Variants in SATB2 observed in about 807,000 individuals in gnomAD.
SATB2 encodes the protein SATB homeobox 2.
SATB2 carries 1 observed loss-of-function variant against 73.4 expected under a neutral mutation model. That is an observed-to-expected ratio of 0.01 (90% CI 0.00 to 0.06). The LOEUF (loss-of-function observed/expected upper bound fraction) is 0.06, where lower values mean the gene tolerates loss of function less well. Ranked by LOEUF, SATB2 falls within the 10% of genes least tolerant of loss-of-function variation. SATB2 has a pLI of 1.00. For missense variants in SATB2, 459 were observed against 945.8 expected (o/e 0.49, Z 6.75); for synonymous variants, 397 against 367.0 (o/e 1.08, Z -0.93).
chr2:199,424,857 A>T (rs1691279315), intron 3 of SATB2, among the ~76,000 whole-genome samples: 1 of 152,216 alleles, frequency 6.6e-6, no homozygotes, highest in African/African-American at 2.4e-5. Context: ...CAAAACTAGG[A>T]GTTATATCAA....
chr2:199,379,322 G>A (rs1336235537), intron 5 of SATB2, among the ~76,000 whole-genome samples: 1 of 152,248 alleles, frequency 6.6e-6, no homozygotes, highest in Non-Finnish European at 1.5e-5. Flanking sequence ...TCCTCATGAT[G>A]CATTTTCTTC....
intron 2 of SATB2, among the ~76,000 whole-genome samples, chr2:199,454,342 A>G (rs1191639039): frequency 6.6e-6 from 1 of 152,142 alleles, no homozygotes; most frequent in Non-Finnish European, 1.5e-5. Flanking sequence ...ACTGTCTCCA[A>G]GGAGTTTCAG....
At chr2:199,359,335 T>C (rs1296497584) in intron 6 of SATB2, among the ~76,000 whole-genome samples, 1 of 152,296 alleles carries the variant, frequency 6.6e-6, no homozygotes, top group African/African-American at 2.4e-5. Flanking sequence ...TACACAAATG[T>C]TCTCTAATTC....
chr2:199,356,968 G>A (rs1439142519), intron 6 of SATB2, among the ~76,000 whole-genome samples: 11 of 152,152 alleles, frequency 7.2e-5, no homozygotes, highest in Admixed American at 7.2e-4. Flanking sequence ...TAAAGAAGCT[G>A]AAGCTCAGTT....
chr2:199,428,541 C>T lies in SATB2; in HGVS notation c.346+4797G>A, dbSNP rs185378956. 2.0e-4 allele frequency among the ~76,000 whole-genome samples: 30 copies of T among 152,252 alleles called. 1 individual carries two copies. The East Asian group carries it at 4.6e-3, about 24-fold the overall frequency. On this transcript the variant is annotated intron_variant, in intron 3 of 10. Transcript: ENST00000417098. ...CAATGGACTTCAGATTTCAGCTCTT[C>T]CACCCACTAGCCTGCGCCTCTGGGA...
rs1175819319 is a variant in SATB2, at chr2:199,457,292, C to T, written c.-60+47G>A. 6.6e-6 allele frequency: 1 copy of T among 151,896 alleles called. No homozygotes were observed. The highest frequency in any genetic ancestry group is 1.5e-5 in the Non-Finnish European group (1 of 67,998). The allele number at this position is 151,896 out of a possible 1,614,324, so 9.4% of individuals were successfully genotyped here. On this transcript the variant is annotated intron_variant, in intron 1 of 10. Coordinates refer to ENST00000417098, the MANE Select transcript of SATB2 (RefSeq NM_001172509.2). This position sits in a 1 kb window ranked among gnomAD's most constrained non-coding sequence, Gnocchi z 4.8. ...GGGGACTTCGTTGGCCCTGGGCTTCCCCGAACTCCCGAGCGCGGCGCGGGA... is the reference window on the plus strand; with the variant it reads ...GGGGACTTCGTTGGCCCTGGGCTTCTCCGAACTCCCGAGCGCGGCGCGGGA...
At chr2:199,274,238 C>A (rs561897490) in intron 10 of SATB2, among the ~76,000 whole-genome samples, 2 of 152,248 alleles carry the variant, frequency 1.3e-5, no homozygotes, top group South Asian at 4.1e-4. Flanking sequence ...GAAAACACGT[C>A]TAGTTACATT....
chr2:199,345,254 T>C (rs1688615607), intron 7 of SATB2, among the ~76,000 whole-genome samples: 1 of 152,120 alleles, frequency 6.6e-6, no homozygotes, highest in South Asian at 2.1e-4. Flanking sequence ...CTCTTCTTCC[T>C]AGCGCCAAAC....
At chr2:199,470,798 G>A (rs983705239) in intron 1 of SATB2, 2 of 152,316 alleles carry the variant, frequency 1.3e-5, no homozygotes, top group Non-Finnish European at 2.9e-5. Flanking sequence ...GCGCTAACAC[G>A]CGCACGGGAA....
At chr2:199,364,292 C>T (rs1689223829) in intron 6 of SATB2, among the ~76,000 whole-genome samples, 1 of 152,156 alleles carries the variant, frequency 6.6e-6, no homozygotes, top group African/African-American at 2.4e-5. Context: ...GTTTAATTTT[C>T]ATTCAACATC....
rs377124439 is a variant in SATB2, at chr2:199,280,012, G to A, written c.1741-7340C>T. On this transcript the variant is annotated intron_variant, in intron 10 of 10. Transcript: ENST00000417098. ...AAAAATTAGCCAGGCGTGGTGGCACGCGCCTGTAATCCCAGCTACTTGGGT... is the reference window on the plus strand; with the variant it reads ...AAAAATTAGCCAGGCGTGGTGGCACACGCCTGTAATCCCAGCTACTTGGGT... 3.0e-4 allele frequency among the ~76,000 whole-genome samples: 46 copies of A among 152,256 alleles called. 2 individuals are homozygous for A. The South Asian group carries it at 4.2e-3, about 14-fold the overall frequency.
intron 3 of SATB2, among the ~76,000 whole-genome samples, chr2:199,402,166 C>T (rs1235929196): frequency 6.6e-6 from 1 of 152,230 alleles, no homozygotes; most frequent in African/African-American, 2.4e-5. Flanking sequence ...GCGGGTGGAT[C>T]ATGAGGTCAA....
intron 3 of SATB2, among the ~76,000 whole-genome samples, chr2:199,400,325 G>T (rs1314960597): frequency 6.6e-6 from 1 of 152,166 alleles, no homozygotes; most frequent in Non-Finnish European, 1.5e-5. Flanking sequence ...TTTGGCAAAT[G>T]AATACCTAGA....
At chr2:199,372,076 T>C (rs549223675) in intron 5 of SATB2, among the ~76,000 whole-genome samples, 1 of 152,168 alleles carries the variant, frequency 6.6e-6, no homozygotes, top group East Asian at 1.9e-4. Flanking sequence ...TTATGAATAA[T>C]ATTATATTCT....
At chr2:199,468,232 G>A (rs1692630442), upstream of SATB2, 1 of 152,126 alleles carries the variant, frequency 6.6e-6, no homozygotes, top group African/African-American at 2.4e-5. Context: ...CCCAGGCTCT[G>A]ATGGCACCAG....
chr2:199,309,461 C>A (rs1231732649), intron 9 of SATB2, among the ~76,000 whole-genome samples: 6 of 152,214 alleles, frequency 3.9e-5, no homozygotes, highest in African/African-American at 1.4e-4. Flanking sequence ...GAAGCAACAA[C>A]CTTGGCTAGA....
chr2:199,461,047 T>G (rs1297869097), upstream of SATB2, among the ~76,000 whole-genome samples: 1 of 152,250 alleles, frequency 6.6e-6, no homozygotes, highest in Non-Finnish European at 1.5e-5. Flanking sequence ...TATTTAAAGT[T>G]GCATTAAACT....
intron 3 of SATB2, among the ~76,000 whole-genome samples, chr2:199,419,014 T>C (rs1014093122): frequency 1.3e-5 from 2 of 152,170 alleles, no homozygotes; most frequent in African/African-American, 4.8e-5. Context: ...CCACTGGTAA[T>C]CGACCCACAT....
chr2:199,355,340 G>GTATCTATATATATATATA (rs1445800916), intron 6 of SATB2, among the ~76,000 whole-genome samples: 2 of 13,864 alleles, frequency 1.4e-4, no homozygotes, highest in African/African-American at 1.7e-4. Flanking sequence ...GTGTGTGTGT[G>GTATCTATATATATATATA]TGTGTATCTA....
Sources: allele counts gnomAD v4.1 joint callset (sites outside exome capture counted in the v4.1 genomes callset), GRCh38; gene constraint gnomAD v4.1.1; non-coding constraint Gnocchi (gnomAD v3.1); transcripts MANE v1.5; gene names NCBI Gene and HGNC (gene_info 2026-07-23, HGNC 2026-07-21).